GPHN: variants seen among roughly 807,000 people sequenced by gnomAD.
The protein encoded by GPHN is gephyrin.
A neutral mutation model predicts 95.5 loss-of-function variants in GPHN; 17 were observed. The ratio of observed to expected loss-of-function variants is 0.18; its 90% CI spans 0.12 to 0.27. The LOEUF (loss-of-function observed/expected upper bound fraction) is 0.27, where lower values mean the gene tolerates loss of function less well. Among genes scored for constraint, GPHN ranks in the 10% least tolerant of loss-of-function variants. GPHN has a pLI of 1.00. For missense variants in GPHN, 660 were observed against 978.1 expected (o/e 0.67, Z 4.34); for synonymous variants, 320 against 322.5 (o/e 0.99, Z 0.08).
At chr14:67,583,468 C>T in the GPHN span, among the ~76,000 whole-genome samples, 18 of 152,152 alleles carry the variant, frequency 1.2e-4, no homozygotes, top group Admixed American at 7.9e-4. Context: ...TTTCCCTTGT[C>T]GGCTACCAAT....
intron 2 of GPHN, among the ~76,000 whole-genome samples, chr14:66,768,998 A>T (rs2153456969): frequency 6.6e-6 from 1 of 152,082 alleles, no homozygotes; most frequent in Middle Eastern, 3.4e-3. Context: ...AAAAATGTGG[A>T]TATGTGTAAA....
At chr14:67,009,974 G>A (rs2153615582) in intron 9 of GPHN, among the ~76,000 whole-genome samples, 1 of 151,836 alleles carries the variant, frequency 6.6e-6, no homozygotes, top group East Asian at 2.0e-4. Flanking sequence ...GGCCAGCCTG[G>A]TCTCGAACTC....
intron 5 of GPHN, among the ~76,000 whole-genome samples, chr14:66,899,115 G>A (rs866482599): frequency 2.2e-5 from 3 of 136,042 alleles, no homozygotes; most frequent in East Asian, 2.2e-4. Flanking sequence ...TTCTAGGAGG[G>A]CTTTTTCTTT....
At chr14:67,437,647 G>A in the GPHN span, among the ~76,000 whole-genome samples, 1 of 152,194 alleles carries the variant, frequency 6.6e-6, no homozygotes, top group South Asian at 2.1e-4. Context: ...GCTGGGACTT[G>A]CTGGAGGAGG....
intron 2 of GPHN, among the ~76,000 whole-genome samples, chr14:66,691,700 G>A (rs899990971): frequency 3.3e-5 from 5 of 152,072 alleles, no homozygotes; most frequent in Admixed American, 6.5e-5. Flanking sequence ...TTATCCAGTC[G>A]TTTACAGAAA....
intron 3 of GPHN, 136 bp downstream of exon 3, chr14:66,776,657 A>T: frequency 1.4e-6 from 1 of 697,974 alleles, no homozygotes; most frequent in South Asian, 1.6e-5. Flanking sequence ...ATAGTGAATT[A>T]AAAATTTATA....
At chr14:67,709,439 A>T in the GPHN span, among the ~76,000 whole-genome samples, 1 of 152,232 alleles carries the variant, frequency 6.6e-6, no homozygotes, top group Non-Finnish European at 1.5e-5. Context: ...CATAACCTTT[A>T]TAACCTTTAG....
the GPHN span, chr14:67,578,697 T>A: frequency 1.9e-6 from 2 of 1,039,724 alleles, no homozygotes; most frequent in African/African-American, 3.2e-5. The surrounding 1 kb of genome is among the most constrained non-coding windows in gnomAD (Gnocchi z 5.0). Flanking sequence ...ATAAGAGGGA[T>A]GAGAGGAGTC....
At chr14:66,925,471 T>C (rs925666332) in intron 8 of GPHN, among the ~76,000 whole-genome samples, 6 of 152,066 alleles carry the variant, frequency 3.9e-5, no homozygotes, top group African/African-American at 1.4e-4. Flanking sequence ...ACCATCTTTA[T>C]CTCCGTGAGT....
At chr14:67,450,749 A>G in the GPHN span, among the ~76,000 whole-genome samples, 2 of 152,212 alleles carry the variant, frequency 1.3e-5, no homozygotes, top group African/African-American at 2.4e-5. Context: ...AGTTCAGAAA[A>G]TTTGCAGACT....
chr14:66,767,852 A>G (rs1261681900), intron 2 of GPHN, among the ~76,000 whole-genome samples: 1 of 152,008 alleles, frequency 6.6e-6, no homozygotes, highest in Non-Finnish European at 1.5e-5. Flanking sequence ...TTATTAAATA[A>G]TTGCAGTTAT....
At chr14:66,934,208 T>C (rs554806073) in intron 8 of GPHN, among the ~76,000 whole-genome samples, 1 of 152,206 alleles carries the variant, frequency 6.6e-6, no homozygotes, top group East Asian at 1.9e-4. Flanking sequence ...TTCTTTACCT[T>C]CCTAACTCAG....
At chr14:67,537,612 A>G in the GPHN span, among the ~76,000 whole-genome samples, 1 of 151,576 alleles carries the variant, frequency 6.6e-6, no homozygotes, top group Non-Finnish European at 1.5e-5. Flanking sequence ...GCTTCAGTGA[A>G]CCATGATTGT....
intron 2 of GPHN, among the ~76,000 whole-genome samples, chr14:66,693,268 T>C (rs946457235): frequency 6.6e-6 from 1 of 152,168 alleles, no homozygotes; most frequent in Non-Finnish European, 1.5e-5. Context: ...GGAACAATTA[T>C]GTAACTTGGA....
At chr14:67,608,388 G>A in the GPHN span, among the ~76,000 whole-genome samples, 1 of 152,144 alleles carries the variant, frequency 6.6e-6, no homozygotes, top group African/African-American at 2.4e-5. Flanking sequence ...ATGCTTTAAG[G>A]TATACAGGAG....
chr14:67,254,294 C>T, the GPHN span: 1 of 150,836 alleles, frequency 6.6e-6, no homozygotes, highest in Non-Finnish European at 1.5e-5. Flanking sequence ...TGGGTACTCG[C>T]CTTGTTGAAT....
chr14:66,934,374 C>T (rs2066990227), intron 8 of GPHN, among the ~76,000 whole-genome samples: 1 of 152,086 alleles, frequency 6.6e-6, no homozygotes, highest in Non-Finnish European at 1.5e-5. Context: ...GACATTTGTT[C>T]GTTGTCTGTC....
At chr14:67,298,635 A>G in the GPHN span, among the ~76,000 whole-genome samples, 2 of 152,216 alleles carry the variant, frequency 1.3e-5, no homozygotes, top group Non-Finnish European at 2.9e-5. Flanking sequence ...TTTAGATGCT[A>G]TGAGTACATT....
At chr14:67,539,268 G>C in the GPHN span, among the ~76,000 whole-genome samples, 1 of 152,174 alleles carries the variant, frequency 6.6e-6, no homozygotes, top group Non-Finnish European at 1.5e-5. Flanking sequence ...GCTCAGAGAA[G>C]GTCATGTTTT....
Sources: gnomAD v4.1 joint callset for allele counts (sites outside exome capture counted in the v4.1 genomes callset) on GRCh38, gnomAD v4.1.1 for gene constraint, Gnocchi (gnomAD v3.1) non-coding constraint, MANE v1.5 for transcripts, NCBI Gene and HGNC (gene_info 2026-07-23, HGNC 2026-07-21) for gene names.